MYO18B: variants seen among roughly 807,000 people sequenced by gnomAD.
MYO18B encodes the protein myosin XVIIIB, also known as unconventional myosin-XVIIIb.
MYO18B carries 204 observed loss-of-function variants against 273.0 expected under a neutral mutation model. That is an observed-to-expected ratio of 0.75 (90% CI 0.67 to 0.84). MYO18B has a LOEUF of 0.84. MYO18B is among the 40% of genes least tolerant of loss of function. The pLI, the probability that MYO18B is intolerant of heterozygous loss-of-function variation, is 0.00. For synonymous variants in MYO18B, 1,330 were observed against 1,305.7 expected (o/e 1.02, Z -0.40); for missense variants, 3,212 against 3,287.6 (o/e 0.98, Z 0.56).
intron 25 of MYO18B, among the ~76,000 whole-genome samples, chr22:25,879,457 G>GA (rs2146211272): frequency 6.6e-6 from 1 of 152,318 alleles, no homozygotes; most frequent in South Asian, 2.1e-4. Flanking sequence ...ACCAAATTCA[G>GA]AGTAGGGGTT....
intron 29 of MYO18B, among the ~76,000 whole-genome samples, chr22:25,901,800 G>C (rs1259958128): frequency 7.0e-6 from 1 of 142,640 alleles, no homozygotes; most frequent in Non-Finnish European, 1.5e-5. Flanking sequence ...TCAGGTTTTT[G>C]GGTTGGTTTT....
chr22:25,902,567 T>C, intron 29 of MYO18B, 46 bp from the exon 30 acceptor site: 1 of 1,579,316 alleles, frequency 6.3e-7, no homozygotes, highest in Non-Finnish European at 8.6e-7. Flanking sequence ...ATCACTCCCC[T>C]GCCCACCTGC....
intron 1 of MYO18B, among the ~76,000 whole-genome samples, chr22:25,747,533 G>A (rs1568960983): frequency 6.6e-6 from 1 of 152,222 alleles, no homozygotes; most frequent in Non-Finnish European, 1.5e-5. Flanking sequence ...CTCACCGGGT[G>A]GCCAGGAGTG....
At chr22:25,884,062 A>G (rs2091425904) in intron 25 of MYO18B, among the ~76,000 whole-genome samples, 1 of 152,146 alleles carries the variant, frequency 6.6e-6, no homozygotes, top group South Asian at 2.1e-4. Flanking sequence ...CCAAGACCTT[A>G]TTTATGGCAA....
In MYO18B at chr22:25,826,465, G is replaced by C. The variant is rs201350841; in HGVS notation, c.2752G>C (p.Glu918Gln). Reference sequence around the variant, plus strand: ...GGGGATGGCCTCGGGCCTGTACCAGGAACTCTTTGCGGCTGTGGTCTCACT... The same window carrying C: ...GGGGATGGCCTCGGGCCTGTACCAGCAACTCTTTGCGGCTGTGGTCTCACT... Reference protein sequence around the residue: ...VEGMASGLYQELFAAVVSLIN... With the variant: ...VEGMASGLYQQLFAAVVSLIN... Residue 918 changes from glutamate to glutamine, a missense_variant, in exon 14 of 44, where the codon GAA becomes CAA. Glu to Gln is a conservative substitution (Grantham distance 29). Transcript: ENST00000335473. The C allele has an allele frequency of 6.2e-7, 1 of 1,613,738 alleles. No homozygotes were observed. The highest frequency in any genetic ancestry group is 8.5e-7 in the Non-Finnish European group (1 of 1,179,788).
intron 39 of MYO18B, chr22:25,964,683 C>T (rs1260829598): frequency 1.3e-5 from 2 of 152,154 alleles, no homozygotes; most frequent in African/African-American, 4.8e-5. Context: ...CCAGACATTA[C>T]CAAATGTCCC....
intron 4 of MYO18B, 33 bp downstream of exon 4, chr22:25,769,461 G>C: frequency 6.8e-7 from 1 of 1,473,338 alleles, no homozygotes; most frequent in Non-Finnish European, 9.0e-7. Flanking sequence ...AGCGGGAAGC[G>C]GCAGACAGGC....
intron 34 of MYO18B, among the ~76,000 whole-genome samples, chr22:25,935,792 G>T (rs2092569509): frequency 6.6e-6 from 1 of 152,138 alleles, no homozygotes; most frequent in African/African-American, 2.4e-5. Flanking sequence ...CTGCCCACAG[G>T]TCCCACCCCT....
chr22:25,744,918 C>A (rs2085732767), intron 1 of MYO18B, among the ~76,000 whole-genome samples: 1 of 152,016 alleles, frequency 6.6e-6, no homozygotes, highest in Non-Finnish European at 1.5e-5. Flanking sequence ...GGACACACAG[C>A]CCTGCAGCAA....
intron 11 of MYO18B, among the ~76,000 whole-genome samples, chr22:25,796,215 T>G (rs2087901605): frequency 2.2e-5 from 2 of 90,514 alleles, no homozygotes; most frequent in Non-Finnish European, 4.4e-5. Context: ...CAAACATAAT[T>G]GGAATCATAA....
intron 23 of MYO18B, 148 bp downstream of exon 23, chr22:25,874,562 A>G (rs2091140293): frequency 1.9e-6 from 2 of 1,035,398 alleles, no homozygotes; most frequent in African/African-American, 3.2e-5. Context: ...GCAAGATGTT[A>G]TGACTGTTTC....
At chr22:25,924,855 G>A (rs186628307) in intron 34 of MYO18B, among the ~76,000 whole-genome samples, 370 of 152,316 alleles carry the variant, frequency 2.4e-3, no homozygotes, top group African/African-American at 8.1e-3. Context: ...GATAGAGATG[G>A]CAAGAAGGGA....
intron 42 of MYO18B, among the ~76,000 whole-genome samples, chr22:26,023,158 C>G (rs906281371): frequency 6.6e-6 from 1 of 152,214 alleles, no homozygotes; most frequent in Middle Eastern, 3.4e-3. Flanking sequence ...TCCTCTTTCT[C>G]TCCATCTCAT....
At chr22:25,806,313 C>T (rs1296453493) in intron 12 of MYO18B, among the ~76,000 whole-genome samples, 1 of 152,166 alleles carries the variant, frequency 6.6e-6, no homozygotes, top group East Asian at 1.9e-4. Flanking sequence ...CCCTCTTGCC[C>T]TGACTCTAGG....
At chr22:26,025,095 A>G (rs1249150971) in intron 42 of MYO18B, among the ~76,000 whole-genome samples, 5 of 152,142 alleles carry the variant, frequency 3.3e-5, no homozygotes, top group Admixed American at 6.5e-5. Context: ...TCCTAATATC[A>G]TCATATTGAG....
intron 28 of MYO18B, 92 bp from the exon 29 acceptor site, chr22:25,898,215 C>T: frequency 7.0e-7 from 1 of 1,430,238 alleles, no homozygotes; most frequent in Non-Finnish European, 9.5e-7. Flanking sequence ...TTTCTCATTA[C>T]ACACCTTGGA....
At chr22:25,929,258 T>C (rs1478284535) in intron 34 of MYO18B, among the ~76,000 whole-genome samples, 1 of 152,136 alleles carries the variant, frequency 6.6e-6, no homozygotes, top group Non-Finnish European at 1.5e-5. Flanking sequence ...TGGAAGATTT[T>C]AGTTTCTGAG....
intron 34 of MYO18B, among the ~76,000 whole-genome samples, chr22:25,929,160 C>CAAAAAA (rs4049336): frequency 1.6e-5 from 2 of 122,188 alleles, no homozygotes; most frequent in Admixed American, 8.5e-5. Flanking sequence ...GAAACTGTCT[C>CAAAAAA]AAAAAAAAAA....
rs778825738 is a variant in MYO18B, at chr22:25,910,985, G to A, written c.5299G>A (p.Glu1767Lys). ...LEMQLEQEYE[E>K]KQMVLHEKQD... ...AATGCAGCTGGAGCAAGAGTATGAA[G>A]AGAAGCAGATGGTCCTCCATGAGAA... Residue 1767 changes from glutamate to lysine, a missense_variant, in exon 33 of 44, where the codon GAG becomes AAG. Coordinates refer to ENST00000335473, the MANE Select transcript of MYO18B (RefSeq NM_032608.7). 2.5e-6 allele frequency: 4 copies of A among 1,604,180 alleles called. No homozygotes were observed. Among genetic ancestry groups the A allele is most frequent in the East Asian group, 2.2e-5 (1 of 44,636 alleles).
Sources: gnomAD v4.1 joint callset for allele counts (sites outside exome capture counted in the v4.1 genomes callset) on GRCh38, gnomAD v4.1.1 for gene constraint, MANE v1.5 for transcripts, NCBI Gene and HGNC (gene_info 2026-07-23, HGNC 2026-07-21) for gene names.